The following PALMD variants were observed in gnomAD, a reference collection of about 807,000 sequenced individuals.
PALMD encodes the protein paralemmin-like protein.
In PALMD, 42 loss-of-function variants were observed where a neutral mutation model predicts 56.2. The observed-to-expected ratio is 0.75, with a 90% CI of 0.58 to 0.97. The LOEUF is 0.97. Ranked by LOEUF, PALMD falls within the 50% of genes least tolerant of loss-of-function variation. PALMD has a pLI of 0.00. For synonymous variants in PALMD, 242 were observed against 222.9 expected (o/e 1.09, Z -0.76); for missense variants, 660 against 643.8 (o/e 1.03, Z -0.27).
rs1215023778 is a variant in PALMD at position 99,687,174 on chromosome 1, G to A, written c.499G>A (p.Glu167Lys). The A allele has an allele frequency of 3.1e-6, 5 of 1,602,132 alleles. No individual in the cohort carries two copies. The highest frequency in any genetic ancestry group is 4.3e-6 in the Non-Finnish European group (5 of 1,172,668). ...GATAAATGAAGAAAAAGAAGATGATGAACAAAATAGGAAAGGTATATGAGA... is the reference window on the plus strand; with the variant it reads ...GATAAATGAAGAAAAAGAAGATGATAAACAAAATAGGAAAGGTATATGAGA... Reference protein sequence around the residue: ...KEINEEKEDDEQNRKALYAME... With the variant: ...KEINEEKEDDKQNRKALYAME... The change falls in exon 6 of 8, where the codon GAA (glutamate) becomes AAA (lysine). Residue 167 changes from glutamate to lysine, a missense_variant. Coordinates refer to ENST00000263174, the MANE Select transcript of PALMD (RefSeq NM_017734.5).
intron 3 of PALMD, among the ~76,000 whole-genome samples, chr1:99,673,494 C>T (rs188737773): frequency 2.6e-5 from 4 of 151,308 alleles, no homozygotes; most frequent in Admixed American, 1.3e-4. Context: ...AAAAAAGAGG[C>T]GAAAAAAAAC....
At chr1:99,679,470 A>C (rs1346379356) in intron 3 of PALMD, among the ~76,000 whole-genome samples, 1 of 152,174 alleles carries the variant, frequency 6.6e-6, no homozygotes, top group Non-Finnish European at 1.5e-5. Flanking sequence ...AAAAAGATAA[A>C]GCCCGGACTT....
chr1:99,657,288 C>T (rs1652749906), intron 1 of PALMD, among the ~76,000 whole-genome samples: 1 of 152,094 alleles, frequency 6.6e-6, no homozygotes, highest in African/African-American at 2.4e-5. Context: ...TCTTTTTTTC[C>T]AAACTCTTCC....
At position 99,664,501 on chromosome 1, in the gene PALMD, CATA is replaced by C. The variant is rs1414902292; in HGVS notation, c.126+2107_126+2109del. 3.3e-5 allele frequency among the ~76,000 whole-genome samples: 5 copies of C among 152,048 alleles called. No individual in the cohort carries two copies. In the East Asian group the frequency reaches 9.6e-4, roughly 29 times the overall value. On this transcript the variant is annotated intron_variant, in intron 2 of 7. Transcript: ENST00000263174. ...TAAGATGGTAACTGATACATAAACT[CATA>C]ATAACAGTTATTCTGTGATAAACAC... is the stretch of plus-strand genomic sequence containing the variant.
chr1:99,686,725 A>G lies in PALMD; in HGVS notation c.301A>G (p.Thr101Ala), dbSNP rs369959257. 3.1e-6 allele frequency: 5 copies of G among 1,609,830 alleles called. No homozygotes were observed. In the African/African-American group the frequency reaches 4.0e-5, roughly 13 times the overall value. ...TGAAAAAGCTGAACTGCAAATCTCA[A>G]CGAAGGAAGAGGCCATTTTAAAGAA... is the stretch of plus-strand genomic sequence containing the variant. ...DLEKAELQIS[T>A]KEEAILKKLK... is the part of the protein sequence containing the mutation. Residue 101 changes from threonine (T) to alanine (A), a missense_variant, in exon 4 of 8, where the codon ACG becomes GCG. Coordinates refer to ENST00000263174, the MANE Select transcript of PALMD (RefSeq NM_017734.5).
chr1:99,658,809 G>T (rs1404661671), intron 1 of PALMD, among the ~76,000 whole-genome samples: 1 of 151,564 alleles, frequency 6.6e-6, no homozygotes. Context: ...AGCCAGGTGT[G>T]GTGACATGCA....
At chr1:99,667,815 T>C in intron 3 of PALMD, 49 bp downstream of exon 3, 1 of 1,544,480 alleles carries the variant, frequency 6.5e-7, no homozygotes. Flanking sequence ...TTTGACTTTA[T>C]CCCATGTTGT....
At chr1:99,663,846 A>G (rs952792307) in intron 2 of PALMD, among the ~76,000 whole-genome samples, 2 of 152,200 alleles carry the variant, frequency 1.3e-5, no homozygotes, top group African/African-American at 2.4e-5. Flanking sequence ...GTAGCACCTC[A>G]TTCCAGCACT....
chr1:99,682,940 A>G (rs781425905), intron 3 of PALMD, among the ~76,000 whole-genome samples: 29 of 151,334 alleles, frequency 1.9e-4, no homozygotes, highest in Non-Finnish European at 3.4e-4. Context: ...TGGGAGGCAG[A>G]GGTTACAGTG....
intron 7 of PALMD, among the ~76,000 whole-genome samples, chr1:99,690,923 T>C (rs998847144): frequency 2.0e-5 from 3 of 152,162 alleles, no homozygotes; most frequent in African/African-American, 4.8e-5. Flanking sequence ...TGTTTCTTCC[T>C]CTACAACCCA....
At chr1:99,671,804 G>A (rs1261846140) in intron 3 of PALMD, among the ~76,000 whole-genome samples, 1 of 152,066 alleles carries the variant, frequency 6.6e-6, no homozygotes, top group Non-Finnish European at 1.5e-5. Flanking sequence ...ACCCTATTAG[G>A]TAGGTAACAT....
intron 2 of PALMD, among the ~76,000 whole-genome samples, chr1:99,666,440 T>G (rs1453943196): frequency 6.6e-6 from 1 of 151,976 alleles, no homozygotes; most frequent in East Asian, 1.9e-4. Flanking sequence ...TTTAAATGTT[T>G]TCTTAATTCA....
chr1:99,646,429 G>A, intron 1 of PALMD, 67 bp downstream of exon 1: 4 of 1,247,412 alleles, frequency 3.2e-6, no homozygotes, highest in African/African-American at 1.5e-5. Flanking sequence ...GTGGCCGGCT[G>A]CCCCTGTCGC....
rs1653740407 is a variant in PALMD at position 99,694,373 on chromosome 1, T to C, written c.*311T>C. The C allele has an allele frequency of 4.5e-6, 1 of 220,168 alleles. No homozygotes were observed. The highest frequency in any genetic ancestry group is 2.3e-5 in the African/African-American group (1 of 43,174). 13.6% of individuals were successfully genotyped at this position (220,168 alleles called of 1,614,324 possible). A position where few individuals can be genotyped will look rare whatever the true frequency, so the allele number is the denominator to read the frequency against. The stretch of plus-strand genomic sequence containing the variant: ...AATTTAAGAATAAAGTTATTTAAAA[T>C]ATTCTGAGTATAGTATATTAACTGG... On this transcript the variant is annotated 3_prime_UTR_variant, in exon 8 of 8. Coordinates refer to ENST00000263174, the MANE Select transcript of PALMD (RefSeq NM_017734.5).
intron 7 of PALMD, among the ~76,000 whole-genome samples, chr1:99,692,326 C>T (rs11166300): frequency 6.6e-6 from 1 of 151,978 alleles, no homozygotes; most frequent in Non-Finnish European, 1.5e-5. Flanking sequence ...CCATTAGAGT[C>T]CAAGGGATAA....
intron 3 of PALMD, among the ~76,000 whole-genome samples, chr1:99,681,463 T>A (rs1397182991): frequency 6.6e-6 from 1 of 152,118 alleles, no homozygotes; most frequent in African/African-American, 2.4e-5. Context: ...AATATTCTCT[T>A]AACTATGAAT....
chr1:99,665,748 T>C (rs1039354076), intron 2 of PALMD, among the ~76,000 whole-genome samples: 1 of 152,130 alleles, frequency 6.6e-6, no homozygotes, highest in African/African-American at 2.4e-5. Context: ...GTTACTGTCT[T>C]CTTTCCTATG....
At chr1:99,651,121 C>T (rs1652574929) in intron 1 of PALMD, among the ~76,000 whole-genome samples, 1 of 152,144 alleles carries the variant, frequency 6.6e-6, no homozygotes, top group Non-Finnish European at 1.5e-5. Context: ...AAAAAAGTCC[C>T]ATTCTGGAAT....
At chr1:99,662,295 T>C (rs1391522225) in intron 1 of PALMD, 24 bp from the exon 2 acceptor site, 2 of 1,238,752 alleles carry the variant, frequency 1.6e-6, no homozygotes, top group African/African-American at 3.0e-5. Flanking sequence ...AAAAATAAAA[T>C]ATACTGGAAC....
Sources: allele counts gnomAD v4.1 joint callset (sites outside exome capture counted in the v4.1 genomes callset), GRCh38; gene constraint gnomAD v4.1.1; transcripts MANE v1.5; gene names NCBI Gene and HGNC (gene_info 2026-07-23, HGNC 2026-07-21).